PTPRT: variants seen among roughly 807,000 people sequenced by gnomAD.
PTPRT encodes protein tyrosine phosphatase receptor type T.
PTPRT carries 56 observed loss-of-function variants against 176.8 expected under a neutral mutation model. The ratio of observed to expected loss-of-function variants is 0.32; its 90% CI spans 0.26 to 0.40. PTPRT has a LOEUF of 0.40. Among genes scored for constraint, PTPRT ranks in the 10% least tolerant of loss-of-function variants. The pLI, the probability that PTPRT is intolerant of heterozygous loss-of-function variation, is 1.00. For missense variants in PTPRT, 1,540 were observed against 1,908.2 expected (o/e 0.81, Z 3.60); for synonymous variants, 783 against 739.0 (o/e 1.06, Z -0.96).
intron 24 of PTPRT, 90 bp downstream of exon 24, chr20:42,106,696 C>A: frequency 6.7e-7 from 1 of 1,493,660 alleles, no homozygotes. Context: ...CCATAGGATG[C>A]CCCTACCTAT....
intron 1 of PTPRT, among the ~76,000 whole-genome samples, chr20:43,009,705 T>C (rs1985026845): frequency 6.6e-6 from 1 of 152,150 alleles, no homozygotes. Flanking sequence ...AGGAAGATCG[T>C]TGCACCATCT....
chr20:43,189,817 G>T lies in PTPRT; in HGVS notation c.-84C>A. On this transcript the variant is annotated 5_prime_UTR_variant, in exon 1 of 31. Coordinates refer to ENST00000373187, the MANE Select transcript of PTPRT (RefSeq NM_007050.6). This position sits in a 1 kb window ranked among gnomAD's most constrained non-coding sequence, Gnocchi z 5.0. ...GGGCGCGGGGTGGCCCCGCATCGCC[G>T]GCGCGGCCGCTGGCTGTGCGCGCGG... The T allele has an allele frequency of 1.4e-6, 1 of 723,588 alleles. No individual in the cohort carries two copies. Among genetic ancestry groups the T allele is most frequent in the Non-Finnish European group, 1.7e-6 (1 of 588,562 alleles). 44.8% of individuals were successfully genotyped at this position (723,588 alleles called of 1,614,324 possible). A position where few individuals can be genotyped will look rare whatever the true frequency, so the allele number is the denominator to read the frequency against.
At chr20:42,205,487 G>C (rs796537254) in intron 15 of PTPRT, among the ~76,000 whole-genome samples, 2 of 152,312 alleles carry the variant, frequency 1.3e-5, no homozygotes, top group African/African-American at 4.8e-5. Context: ...TGCTATTGGA[G>C]AAGTTCAAGT....
intron 1 of PTPRT, among the ~76,000 whole-genome samples, chr20:43,018,509 T>C (rs1433999679): frequency 6.6e-6 from 1 of 152,206 alleles, no homozygotes; most frequent in Non-Finnish European, 1.5e-5. Flanking sequence ...TGATTGCATT[T>C]TTTAAAATTG....
intron 1 of PTPRT, among the ~76,000 whole-genome samples, chr20:43,042,250 C>G (rs2425558): frequency 0.32 from 48,204 of 152,082 alleles, 10,577 homozygotes; most frequent in African/African-American, 0.62. Flanking sequence ...ATTGTTTATT[C>G]AGGGCCAATT....
chr20:42,083,528 G>C (rs977876967), intron 29 of PTPRT, among the ~76,000 whole-genome samples: 1 of 152,188 alleles, frequency 6.6e-6, no homozygotes, highest in South Asian at 2.1e-4. Context: ...TGGCCCTGAA[G>C]CTCTGTGTGT....
chr20:42,143,053 T>C lies in PTPRT; in HGVS notation c.2683-1051A>G, dbSNP rs1034548710. On this transcript the variant is annotated intron_variant, in intron 17 of 30. Coordinates refer to ENST00000373187, the MANE Select transcript of PTPRT (RefSeq NM_007050.6). ...GTGAAGAGGGAAGTAGTGATGGAAG[T>C]ATCTAGAGCGGATGGGGGAGTCCAG... is the stretch of plus-strand genomic sequence containing the variant. Among the ~76,000 whole-genome samples the C allele has an allele frequency of 1.4e-4, 21 of 152,186 alleles. 1 individual carries two copies. The highest frequency in any genetic ancestry group is 5.1e-4 in the African/African-American group (21 of 41,450).
At chr20:42,564,962 A>G (rs2073014316) in intron 7 of PTPRT, among the ~76,000 whole-genome samples, 1 of 152,076 alleles carries the variant, frequency 6.6e-6, no homozygotes, top group Non-Finnish European at 1.5e-5. Flanking sequence ...GCCGGAACCA[A>G]TCTCCTGAGG....
intron 27 of PTPRT, among the ~76,000 whole-genome samples, chr20:42,097,456 C>A (rs929850717): frequency 6.6e-6 from 1 of 152,204 alleles, no homozygotes; most frequent in Non-Finnish European, 1.5e-5. Flanking sequence ...TTCTTCAAGG[C>A]CAAAGTCACC....
chr20:42,707,942 C>A (rs181161960), intron 6 of PTPRT, among the ~76,000 whole-genome samples: 1 of 152,244 alleles, frequency 6.6e-6, no homozygotes, highest in Non-Finnish European at 1.5e-5. Flanking sequence ...ACTCTGAGAT[C>A]ATAAATTATT....
At chr20:42,372,038 G>T (rs567826260) in intron 9 of PTPRT, among the ~76,000 whole-genome samples, 2 of 152,156 alleles carry the variant, frequency 1.3e-5, no homozygotes, top group South Asian at 2.1e-4. Context: ...TTTGGGTACT[G>T]GGGGGAGAGT....
At chr20:42,083,321 T>C (rs1270386214) in intron 29 of PTPRT, among the ~76,000 whole-genome samples, 1 of 152,040 alleles carries the variant, frequency 6.6e-6, no homozygotes, top group African/African-American at 2.4e-5. Flanking sequence ...CACCTGAATG[T>C]GTGGGAGGCA....
intron 1 of PTPRT, among the ~76,000 whole-genome samples, chr20:43,185,572 T>G (rs2015370750): frequency 6.6e-6 from 1 of 152,202 alleles, no homozygotes; most frequent in African/African-American, 2.4e-5. Flanking sequence ...TGTCATCTGT[T>G]GGCAAATTTC....
At chr20:42,850,171 C>A (rs375714608) in intron 2 of PTPRT, among the ~76,000 whole-genome samples, 2 of 152,192 alleles carry the variant, frequency 1.3e-5, no homozygotes, top group African/African-American at 4.8e-5. Context: ...AGCATGAGAT[C>A]ACAGCTTTGT....
chr20:42,251,728 A>G (rs939665588), intron 13 of PTPRT, among the ~76,000 whole-genome samples: 3 of 151,526 alleles, frequency 2.0e-5, no homozygotes, highest in African/African-American at 7.3e-5. Context: ...AAAAAACAAA[A>G]AAAAGAAAAG....
intron 13 of PTPRT, among the ~76,000 whole-genome samples, chr20:42,268,411 T>C (rs571747378): frequency 5.3e-5 from 8 of 152,042 alleles, no homozygotes; most frequent in Non-Finnish European, 1.2e-4. Context: ...TAGAGAACAA[T>C]GGCCCAGCAG....
the PTPRT span, among the ~76,000 whole-genome samples, chr20:42,042,485 T>A: frequency 6.6e-6 from 1 of 152,330 alleles, no homozygotes; most frequent in Admixed American, 6.5e-5. Flanking sequence ...TGACCTCTGT[T>A]GGTCTGGGAG....
At chr20:42,617,631 T>G in intron 7 of PTPRT, among the ~76,000 whole-genome samples, 1 of 138,554 alleles carries the variant, frequency 7.2e-6, no homozygotes. Context: ...GTTATTGGTC[T>G]ATTCAGAGAT....
intron 1 of PTPRT, among the ~76,000 whole-genome samples, chr20:43,071,739 C>T (rs537448407): frequency 2.6e-5 from 4 of 152,318 alleles, no homozygotes; most frequent in African/African-American, 7.2e-5. Flanking sequence ...GAGCCAAGAT[C>T]GTGCCATTGC....
Sources: allele counts gnomAD v4.1 joint callset (sites outside exome capture counted in the v4.1 genomes callset), GRCh38; gene constraint gnomAD v4.1.1; non-coding constraint Gnocchi (gnomAD v3.1); transcripts MANE v1.5; gene names NCBI Gene and HGNC (gene_info 2026-07-23, HGNC 2026-07-21).